Variants in PPP3CA observed in about 807,000 individuals in gnomAD.
The protein encoded by PPP3CA is protein phosphatase 3 catalytic subunit alpha.
A neutral mutation model predicts 66.5 loss-of-function variants in PPP3CA; 14 were observed. The ratio of observed to expected loss-of-function variants is 0.21; its 90% CI spans 0.14 to 0.33. The LOEUF (loss-of-function observed/expected upper bound fraction) is 0.33. PPP3CA is among the 10% of genes least tolerant of loss of function. The pLI, the probability that PPP3CA is intolerant of heterozygous loss-of-function variation, is 1.00. For missense variants in PPP3CA, 317 were observed against 639.5 expected (o/e 0.50, Z 5.44); for synonymous variants, 232 against 226.2 (o/e 1.03, Z -0.23).
chr4:101,090,878 ATAT>A (rs1162559804), intron 6 of PPP3CA, among the ~76,000 whole-genome samples: 7 of 142,330 alleles, frequency 4.9e-5, no homozygotes, highest in Non-Finnish European at 1.1e-4. Context: ...ATCTGTGTCT[ATAT>A]TATAATATAC....
intron 1 of PPP3CA, among the ~76,000 whole-genome samples, chr4:101,331,183 G>A (rs559314713): frequency 6.6e-6 from 1 of 152,172 alleles, no homozygotes; most frequent in East Asian, 1.9e-4. Context: ...GTGTTATGGT[G>A]GTAAAAGCCC....
intron 1 of PPP3CA, among the ~76,000 whole-genome samples, chr4:101,346,080 A>C (rs1018970824): frequency 6.7e-6 from 1 of 148,310 alleles, no homozygotes; most frequent in Non-Finnish European, 1.5e-5. Context: ...CCCCGCGGCC[A>C]CCCTCCAGCC....
intron 2 of PPP3CA, among the ~76,000 whole-genome samples, chr4:101,181,644 C>CA (rs1212835180): frequency 5.3e-5 from 8 of 152,044 alleles, no homozygotes; most frequent in Admixed American, 4.6e-4. Context: ...CCAGACCACT[C>CA]AAAAATCACA....
intron 12 of PPP3CA, among the ~76,000 whole-genome samples, chr4:101,031,263 G>T (rs1276293691): frequency 6.6e-6 from 1 of 151,876 alleles, no homozygotes; most frequent in African/African-American, 2.4e-5. Context: ...GGACAGAAAA[G>T]AAAATACAAA....
intron 2 of PPP3CA, among the ~76,000 whole-genome samples, chr4:101,156,966 T>C (rs930527993): frequency 4.6e-5 from 7 of 152,146 alleles, no homozygotes; most frequent in African/African-American, 1.7e-4. Flanking sequence ...ACAGACAAAA[T>C]AGGCAGGAAA....
At chr4:101,123,794 C>T (rs111637820) in intron 2 of PPP3CA, among the ~76,000 whole-genome samples, 6 of 152,314 alleles carry the variant, frequency 3.9e-5, no homozygotes, top group African/African-American at 1.4e-4. Context: ...AACAGAAAGA[C>T]TCTATCTTGC....
intron 1 of PPP3CA, among the ~76,000 whole-genome samples, chr4:101,265,546 CAAGGA>C (rs1489757268): frequency 6.6e-6 from 1 of 152,100 alleles, no homozygotes; most frequent in Non-Finnish European, 1.5e-5. Flanking sequence ...AATGGTGATT[CAAGGA>C]AAGGATAACT....
intron 2 of PPP3CA, among the ~76,000 whole-genome samples, chr4:101,188,547 A>G (rs752341068): frequency 1.2e-4 from 19 of 152,306 alleles, no homozygotes; most frequent in Admixed American, 9.8e-4. Flanking sequence ...CGCGATCTAA[A>G]AATGTAACTT....
chr4:101,225,702 T>C (rs1025491414), intron 1 of PPP3CA, among the ~76,000 whole-genome samples: 1 of 151,826 alleles, frequency 6.6e-6, no homozygotes, highest in Non-Finnish European at 1.5e-5. Context: ...AAGGTGTCTT[T>C]GTGTATTGTA....
intron 10 of PPP3CA, among the ~76,000 whole-genome samples, chr4:101,049,437 A>C (rs1727915209): frequency 6.6e-6 from 1 of 152,162 alleles, no homozygotes; most frequent in South Asian, 2.1e-4. Flanking sequence ...TCGTGACAAA[A>C]ACACATCAAT....
At chr4:101,105,697 C>T (rs1730634399) in intron 3 of PPP3CA, among the ~76,000 whole-genome samples, 1 of 152,084 alleles carries the variant, frequency 6.6e-6, no homozygotes, top group African/African-American at 2.4e-5. Flanking sequence ...TTACTCAAGC[C>T]ACACATGATG....
At chr4:101,028,282 G>T (rs1453095397) in intron 13 of PPP3CA, among the ~76,000 whole-genome samples, 1 of 152,142 alleles carries the variant, frequency 6.6e-6, no homozygotes, top group African/African-American at 2.4e-5. Context: ...AAAGGATATG[G>T]TATGTATAAT....
intron 1 of PPP3CA, among the ~76,000 whole-genome samples, chr4:101,337,781 C>A (rs1405292376): frequency 6.6e-6 from 1 of 152,108 alleles, no homozygotes; most frequent in Non-Finnish European, 1.5e-5. Flanking sequence ...CTTTAGCGGT[C>A]TTCTGTAAGG....
intron 6 of PPP3CA, among the ~76,000 whole-genome samples, chr4:101,088,670 C>T (rs2732504): frequency 0.72 from 107,468 of 149,876 alleles, 40,486 homozygotes; most frequent in East Asian, 1. Context: ...TGCTAAATAA[C>T]TGAATGAGTG....
intron 3 of PPP3CA, among the ~76,000 whole-genome samples, chr4:101,103,119 GATA>G (rs575647256): frequency 5.8e-4 from 89 of 152,188 alleles, no homozygotes; most frequent in African/African-American, 2.1e-3. Flanking sequence ...TTGGTTCACT[GATA>G]ATAATAGTGC....
At chr4:101,234,296 G>A (rs1726057854) in intron 1 of PPP3CA, among the ~76,000 whole-genome samples, 2 of 151,626 alleles carry the variant, frequency 1.3e-5, no homozygotes, top group South Asian at 2.1e-4. Flanking sequence ...AGTCCTCTTT[G>A]AGGAACTGCC....
At chr4:101,134,966 G>T (rs1244922275) in intron 2 of PPP3CA, among the ~76,000 whole-genome samples, 1 of 151,940 alleles carries the variant, frequency 6.6e-6, no homozygotes, top group African/African-American at 2.4e-5. Context: ...AAATAACACA[G>T]GAACAGAAAA....
chr4:101,343,207 T>C (rs1366390656), intron 1 of PPP3CA, among the ~76,000 whole-genome samples: 1 of 152,138 alleles, frequency 6.6e-6, no homozygotes, highest in Non-Finnish European at 1.5e-5. Flanking sequence ...ACAAAATACT[T>C]GGAGATGGGA....
chr4:101,304,690 A>G (rs1426705014), intron 1 of PPP3CA, among the ~76,000 whole-genome samples: 1 of 152,180 alleles, frequency 6.6e-6, no homozygotes, highest in African/African-American at 2.4e-5. Flanking sequence ...TACATATCTA[A>G]TAGGTTTTAA....
Sources: gnomAD v4.1 joint callset for allele counts (sites outside exome capture counted in the v4.1 genomes callset) on GRCh38, gnomAD v4.1.1 for gene constraint, MANE v1.5 for transcripts, NCBI Gene and HGNC (gene_info 2026-07-23, HGNC 2026-07-21) for gene names.